Variants in SLC39A11 observed in about 807,000 individuals in gnomAD.
SLC39A11 encodes zinc transporter ZIP11.
Under a neutral mutation model 36.1 loss-of-function variants are expected in SLC39A11, and 33 were observed. That is an observed-to-expected ratio of 0.91 (90% CI 0.69 to 1.22). The LOEUF is 1.22. SLC39A11 is among the 50% of genes most tolerant of loss of function. SLC39A11 has a pLI of 0.00. For missense variants in SLC39A11, 432 were observed against 430.3 expected, an observed-to-expected ratio of 1.00 and a Z score of -0.03; for synonymous variants, 166 against 170.3, an observed-to-expected ratio of 0.97 and a Z score of 0.20.
intron 7 of SLC39A11, among the ~76,000 whole-genome samples, chr17:72,650,474 C>T (rs1242177255): frequency 6.6e-6 from 1 of 152,194 alleles, no homozygotes; most frequent in Non-Finnish European, 1.5e-5. Context: ...AGTCAACTTG[C>T]ACAGGAAACA....
chr17:72,830,743 C>T (rs2078248002), intron 6 of SLC39A11, among the ~76,000 whole-genome samples: 1 of 152,128 alleles, frequency 6.6e-6, no homozygotes, highest in Non-Finnish European at 1.5e-5. Context: ...AGGTACGTGG[C>T]CCCAAATATC....
intron 6 of SLC39A11, among the ~76,000 whole-genome samples, chr17:72,770,771 C>T (rs1426396098): frequency 2.0e-5 from 3 of 152,216 alleles, no homozygotes; most frequent in Non-Finnish European, 2.9e-5. Context: ...CAGCACTATG[C>T]ATTCGGAAGC....
At chr17:72,997,531 G>A (rs1172195090) in intron 4 of SLC39A11, among the ~76,000 whole-genome samples, 5 of 152,178 alleles carry the variant, frequency 3.3e-5, no homozygotes, top group African/African-American at 1.2e-4. Context: ...GGGATTACAG[G>A]CGTGAGCCAC....
chr17:72,723,062 A>G (rs1009912913), intron 7 of SLC39A11, among the ~76,000 whole-genome samples: 3 of 152,116 alleles, frequency 2.0e-5, no homozygotes, highest in Non-Finnish European at 2.9e-5. Flanking sequence ...CAGTCTTTAC[A>G]TATTTGGGGG....
At chr17:72,953,946 G>A (rs1419440750) in intron 4 of SLC39A11, among the ~76,000 whole-genome samples, 4 of 152,208 alleles carry the variant, frequency 2.6e-5, no homozygotes, top group Admixed American at 1.3e-4. Context: ...CAGGACGGGG[G>A]AGCTCTGTTC....
chr17:72,735,005 G>T (rs930487071), intron 7 of SLC39A11, among the ~76,000 whole-genome samples: 1 of 152,136 alleles, frequency 6.6e-6, no homozygotes, highest in African/African-American at 2.4e-5. Context: ...CAGTCTGCAG[G>T]GTGTGACGAG....
intron 7 of SLC39A11, among the ~76,000 whole-genome samples, chr17:72,677,676 G>T (rs1327513145): frequency 1.3e-5 from 2 of 152,136 alleles, no homozygotes; most frequent in Non-Finnish European, 2.9e-5. Context: ...CACAGACCGT[G>T]GGCCCCTCCC....
At chr17:72,847,144 C>T (rs934765653) in intron 6 of SLC39A11, among the ~76,000 whole-genome samples, 11 of 152,016 alleles carry the variant, frequency 7.2e-5, no homozygotes, top group African/African-American at 2.4e-4. Flanking sequence ...GGCTCATGCC[C>T]GTAATCCCAG....
intron 4 of SLC39A11, among the ~76,000 whole-genome samples, chr17:72,983,768 C>T (rs1405872476): frequency 1.3e-5 from 2 of 152,218 alleles, no homozygotes; most frequent in African/African-American, 4.8e-5. Flanking sequence ...CCAGGCTCTT[C>T]ACCCAGACTC....
intron 4 of SLC39A11, among the ~76,000 whole-genome samples, chr17:73,023,588 C>CA (rs1394321747): frequency 6.6e-6 from 1 of 152,134 alleles, no homozygotes; most frequent in African/African-American, 2.4e-5. Flanking sequence ...CTCCTGGGTT[C>CA]AAGTGATTCT....
In SLC39A11 at chr17:72,824,370, C is replaced by A. The variant is rs767514123; in HGVS notation, c.601+25264G>T. Among the ~76,000 whole-genome samples the A allele has an allele frequency of 3.4e-4, 52 of 151,296 alleles. 1 individual carries two copies. The highest frequency in any genetic ancestry group is 2.3e-3 in the Admixed American group (35 of 15,164). On this transcript the variant is annotated intron_variant, in intron 6 of 9. Transcript: ENST00000255559. ...CCAGCCATGCTACCTGTACAGCCTGCAGAACTGTGAGCCAATTAAATCTCT... is the reference window on the plus strand; with the variant it reads ...CCAGCCATGCTACCTGTACAGCCTGAAGAACTGTGAGCCAATTAAATCTCT...
At chr17:72,902,672 A>C (rs1304997187) in intron 5 of SLC39A11, among the ~76,000 whole-genome samples, 1 of 152,230 alleles carries the variant, frequency 6.6e-6, no homozygotes, top group Non-Finnish European at 1.5e-5. Context: ...CTATAGATAG[A>C]ATAACCGGAC....
At chr17:72,820,874 G>GT (rs1216845900) in intron 6 of SLC39A11, among the ~76,000 whole-genome samples, 1 of 151,258 alleles carries the variant, frequency 6.6e-6, no homozygotes, top group Non-Finnish European at 1.5e-5. Context: ...AGAGCACAGG[G>GT]TCCCCCCAGC....
intron 6 of SLC39A11, among the ~76,000 whole-genome samples, chr17:72,790,483 A>G (rs990818917): frequency 1.3e-5 from 2 of 152,102 alleles, no homozygotes; most frequent in African/African-American, 4.8e-5. Flanking sequence ...AAGGAATGAG[A>G]AGATAAGAGA....
chr17:72,797,202 A>C (rs2076925773), intron 6 of SLC39A11, among the ~76,000 whole-genome samples: 1 of 152,126 alleles, frequency 6.6e-6, no homozygotes, highest in African/African-American at 2.4e-5. Flanking sequence ...AATACCCGCC[A>C]TCCAAAGCAG....
At chr17:72,867,770 A>G (rs1039398029) in intron 5 of SLC39A11, among the ~76,000 whole-genome samples, 25 of 151,988 alleles carry the variant, frequency 1.6e-4, no homozygotes, top group African/African-American at 6.0e-4. Flanking sequence ...GCACACACAC[A>G]CACACACACA....
intron 5 of SLC39A11, among the ~76,000 whole-genome samples, chr17:72,873,999 C>T (rs886512902): frequency 2.0e-5 from 3 of 152,158 alleles, no homozygotes; most frequent in Non-Finnish European, 4.4e-5. Flanking sequence ...TGCCTTCCAC[C>T]ATGACTGTAA....
At chr17:72,958,666 C>T (rs1159037698) in intron 4 of SLC39A11, among the ~76,000 whole-genome samples, 1 of 152,138 alleles carries the variant, frequency 6.6e-6, no homozygotes, top group African/African-American at 2.4e-5. Context: ...GCCTGGCCAA[C>T]ATGGCGAAAC....
chr17:73,044,878 GAAAAAAAA>G (rs11298701), intron 3 of SLC39A11, among the ~76,000 whole-genome samples: 6 of 119,026 alleles, frequency 5.0e-5, no homozygotes, highest in East Asian at 2.3e-4. Context: ...CTCTGTCTCA[GAAAAAAAA>G]AAAAAAAAAA....
Sources: gnomAD v4.1 joint callset for allele counts (sites outside exome capture counted in the v4.1 genomes callset) on GRCh38, gnomAD v4.1.1 for gene constraint, MANE v1.5 for transcripts, NCBI Gene and HGNC (gene_info 2026-07-23, HGNC 2026-07-21) for gene names.